Variants in ARK2N observed in about 807,000 individuals in gnomAD.
The protein encoded by ARK2N is arkadia (RNF111) N-terminal like PKA signaling regulator 2N.
chr18:46,192,171 A>G, the ARK2N span, among the ~76,000 whole-genome samples: 38 of 152,290 alleles, frequency 2.5e-4, no homozygotes, highest in African/African-American at 7.9e-4. Flanking sequence ...AAAGAGCATA[A>G]TTATAACAGA....
chr18:46,234,055 T>C, the ARK2N span, among the ~76,000 whole-genome samples: 3 of 152,212 alleles, frequency 2.0e-5, no homozygotes, highest in African/African-American at 7.2e-5. Flanking sequence ...TTGATGAAAT[T>C]CTTCTTTTCT....
At chr18:46,226,059 G>A in the ARK2N span, among the ~76,000 whole-genome samples, 1 of 152,044 alleles carries the variant, frequency 6.6e-6, no homozygotes, top group Non-Finnish European at 1.5e-5. Context: ...CTAATTGGGG[G>A]ACCTCATAGT....
At chr18:46,208,246 C>T in the ARK2N span, among the ~76,000 whole-genome samples, 1 of 152,174 alleles carries the variant, frequency 6.6e-6, no homozygotes, top group Non-Finnish European at 1.5e-5. Flanking sequence ...CTCATTCATC[C>T]TCACCTTAAC....
the ARK2N span, chr18:46,264,913 T>C: frequency 6.6e-6 from 1 of 152,480 alleles, no homozygotes. Flanking sequence ...TTTTTATTTT[T>C]ATTTTCTGCT....
At chr18:46,210,414 C>A in the ARK2N span, among the ~76,000 whole-genome samples, 22 of 152,080 alleles carry the variant, frequency 1.4e-4, no homozygotes, top group Non-Finnish European at 2.6e-4. Flanking sequence ...ATTTACTGAG[C>A]TAGAGAAAGC....
At chr18:46,196,138 G>C in the ARK2N span, among the ~76,000 whole-genome samples, 1 of 151,682 alleles carries the variant, frequency 6.6e-6, no homozygotes, top group Non-Finnish European at 1.5e-5. Flanking sequence ...GCGCCACCAC[G>C]CCCAGCTAAT....
the ARK2N span, chr18:46,240,133 A>T: frequency 1.2e-6 from 2 of 1,614,230 alleles, no homozygotes. Flanking sequence ...CGGCCAGGAC[A>T]CAGGAGCTAC....
chr18:46,175,594 C>G, the ARK2N span, among the ~76,000 whole-genome samples: 1 of 150,926 alleles, frequency 6.6e-6, no homozygotes, highest in Non-Finnish European at 1.5e-5. Context: ...AAAAAAAACA[C>G]ATGGTTCAAG....
At chr18:46,192,466 A>C in the ARK2N span, among the ~76,000 whole-genome samples, 1 of 151,508 alleles carries the variant, frequency 6.6e-6, no homozygotes, top group Non-Finnish European at 1.5e-5. Flanking sequence ...AATCCCAGCT[A>C]CTCAGGAGGC....
chr18:46,217,065 CA>C, the ARK2N span: 1 of 153,964 alleles, frequency 6.5e-6, no homozygotes, highest in Non-Finnish European at 1.4e-5. Flanking sequence ...ATTTTTCCTC[CA>C]AAAACAGTAG....
the ARK2N span, among the ~76,000 whole-genome samples, chr18:46,244,134 G>A: frequency 1.4e-4 from 21 of 152,212 alleles, no homozygotes; most frequent in African/African-American, 5.1e-4. Flanking sequence ...TTTAATAATA[G>A]CCTCAGGTAA....
At chr18:46,190,425 T>G in the ARK2N span, among the ~76,000 whole-genome samples, 1 of 18,418 alleles carries the variant, frequency 5.4e-5, no homozygotes, top group Non-Finnish European at 1.6e-4. Flanking sequence ...GAGTCTGAGG[T>G]TGCGGTGAGC....
chr18:46,185,768 C>T, the ARK2N span, among the ~76,000 whole-genome samples: 4 of 152,170 alleles, frequency 2.6e-5, no homozygotes, highest in Admixed American at 2.6e-4. Flanking sequence ...GGGCAGATCA[C>T]TTGAGGTCAG....
chr18:46,204,917 CTTTTCTTTTTTCTTTTT>C, the ARK2N span, among the ~76,000 whole-genome samples: 2 of 141,464 alleles, frequency 1.4e-5, no homozygotes, highest in African/African-American at 5.2e-5. Context: ...GCTTTCTTTT[CTTTTCTTTTTTCTTTTT>C]TTTTTTATTT....
chr18:46,194,060 A>G, the ARK2N span, among the ~76,000 whole-genome samples: 1 of 152,020 alleles, frequency 6.6e-6, no homozygotes, highest in Non-Finnish European at 1.5e-5. Context: ...CCAGAGTGCA[A>G]AGGCTCACTG....
the ARK2N span, among the ~76,000 whole-genome samples, chr18:46,259,243 CT>C: frequency 4.1e-3 from 564 of 136,646 alleles, 1 homozygote; most frequent in African/African-American, 6.2e-3. Context: ...TTCTTTCTTT[CT>C]TTTTTTTTTT....
chr18:46,253,005 G>A, the ARK2N span, among the ~76,000 whole-genome samples: 1 of 152,190 alleles, frequency 6.6e-6, no homozygotes, highest in African/African-American at 2.4e-5. Context: ...TCCAGAGTGT[G>A]TGGTTTGTTT....
chr18:46,219,524 C>T, the ARK2N span, among the ~76,000 whole-genome samples: 2 of 149,846 alleles, frequency 1.3e-5, no homozygotes, highest in African/African-American at 2.5e-5. Context: ...GGCTGGAGTG[C>T]AGTGGCGCGA....
chr18:46,234,482 G>C, the ARK2N span, among the ~76,000 whole-genome samples: 1 of 151,928 alleles, frequency 6.6e-6, no homozygotes, highest in African/African-American at 2.4e-5. Flanking sequence ...ACAGGCGTGA[G>C]CCACTGTGCC....
Sources: gnomAD v4.1 joint callset for allele counts (sites outside exome capture counted in the v4.1 genomes callset) on GRCh38, gnomAD v4.1.1 for gene constraint, MANE v1.5 for transcripts, NCBI Gene and HGNC (gene_info 2026-07-23, HGNC 2026-07-21) for gene names.